Variants in FRY observed in about 807,000 individuals in gnomAD.
FRY encodes FRY microtubule binding protein, also known as protein furry homolog.
In FRY, 128 loss-of-function variants were observed where a neutral mutation model predicts 348.4. The observed-to-expected ratio is 0.37, with a 90% CI of 0.32 to 0.43. FRY has a LOEUF of 0.43. FRY is among the 20% of genes least tolerant of loss of function. FRY has a pLI of 1.00. For missense variants in FRY, 2,736 were observed against 3,695.2 expected (o/e 0.74, Z 6.73); for synonymous variants, 1,370 against 1,374.7 (o/e 1.00, Z 0.08).
intron 1 of FRY, among the ~76,000 whole-genome samples, chr13:32,064,406 T>TC (rs1156713317): frequency 1.3e-5 from 2 of 150,234 alleles, no homozygotes; most frequent in South Asian, 2.1e-4. Context: ...CACAGATATG[T>TC]CCCCCCTGCA....
At chr13:32,111,456 G>A (rs1877955819) in intron 3 of FRY, among the ~76,000 whole-genome samples, 1 of 152,054 alleles carries the variant, frequency 6.6e-6, no homozygotes, top group Admixed American at 6.5e-5. Context: ...AGATTGTGCT[G>A]CTGCACTCCA....
rs544780454 is a variant in FRY, at chr13:32,173,332, G to A, written c.2152-35G>A. The A allele has an allele frequency of 6.4e-5, 98 of 1,538,058 alleles. 1 individual carries two copies. In the Admixed American group the frequency reaches 1.4e-3, roughly 21 times the overall value. On this transcript the variant is annotated intron_variant, in intron 18 of 60. Coordinates refer to ENST00000542859, the MANE Select transcript of FRY (RefSeq NM_023037.3). ...TGTATTCTTCTTCCTTTGTTATTTC[G>A]CTGAATACAGAATGTTGTTCTTATT...
At chr13:32,185,233 T>C in intron 26 of FRY, 85 bp downstream of exon 26, 1 of 1,185,084 alleles carries the variant, frequency 8.4e-7, no homozygotes, top group Non-Finnish European at 1.3e-6. Context: ...TCTTTAACCC[T>C]ACTGGCCTTT....
chr13:32,168,496 C>T (rs1881878308), intron 17 of FRY, among the ~76,000 whole-genome samples: 1 of 152,196 alleles, frequency 6.6e-6, no homozygotes, highest in South Asian at 2.1e-4. Flanking sequence ...CACCACAGAG[C>T]TCTATATAAA....
chr13:32,268,418 G>A (rs1000496241), intron 55 of FRY, among the ~76,000 whole-genome samples: 1 of 149,762 alleles, frequency 6.7e-6, no homozygotes, highest in African/African-American at 2.5e-5. Flanking sequence ...ACGAAGATGA[G>A]GTTGTAGGGG....
intron 1 of FRY, among the ~76,000 whole-genome samples, chr13:32,077,664 A>G (rs1293197358): frequency 5.3e-5 from 8 of 152,246 alleles, no homozygotes; most frequent in Non-Finnish European, 1.2e-4. Context: ...ACTTGGCTTG[A>G]GACAGAAAGA....
At chr13:32,199,369 T>C (rs1883870091) in intron 29 of FRY, among the ~76,000 whole-genome samples, 1 of 152,194 alleles carries the variant, frequency 6.6e-6, no homozygotes, top group Non-Finnish European at 1.5e-5. Context: ...ATGTGGCAGC[T>C]ATTAGGAAGA....
At chr13:32,205,986 G>A (rs1461711627) in intron 31 of FRY, among the ~76,000 whole-genome samples, 1 of 151,988 alleles carries the variant, frequency 6.6e-6, no homozygotes, top group East Asian at 1.9e-4. Context: ...GGAGGTCAGT[G>A]ATGATAACCC....
At chr13:32,094,040 G>A (rs1876514431) in intron 2 of FRY, among the ~76,000 whole-genome samples, 1 of 152,110 alleles carries the variant, frequency 6.6e-6, no homozygotes, top group African/African-American at 2.4e-5. Context: ...GTTTCCACTT[G>A]TTGGTTAAAT....
chr13:32,064,732 C>T (rs930647330), intron 1 of FRY, among the ~76,000 whole-genome samples: 13 of 152,218 alleles, frequency 8.5e-5, no homozygotes, highest in African/African-American at 3.1e-4. Flanking sequence ...ATAGATTAAA[C>T]TTTAAAAATC....
Position 32,274,971 on chromosome 13 carries a change from C to G in FRY, c.8266C>G (p.Leu2756Val). The change falls in exon 56 of 61, where the codon CTT becomes GTT. Residue 2756 changes from leucine (L) to valine (V), a missense_variant. By Grantham distance (32) the Leu-to-Val change is conservative (BLOSUM62 1). This residue lies in a region of FRY where 789 missense variants were observed against 996.2 expected (regional missense o/e 0.79). Coordinates refer to ENST00000542859, the MANE Select transcript of FRY (RefSeq NM_023037.3). Reference protein sequence around the residue: ...MLTSCSECPTLFVDAETLLSC... With the variant: ...MLTSCSECPTVFVDAETLLSC... ...CACCTCCTGCTCTGAATGTCCTACA[C>G]TTTTTGTGGATGCCGAGACTGTGAG... is the stretch of plus-strand genomic sequence containing the variant. 1 of 1,613,876 alleles carries G rather than the reference C, an allele frequency of 6.2e-7. No homozygotes were observed. The highest frequency in any genetic ancestry group is 8.5e-7 in the Non-Finnish European group (1 of 1,179,860).
chr13:32,249,472 C>T (rs1395712615), intron 48 of FRY, 54 bp from the exon 49 acceptor site: 3 of 1,587,516 alleles, frequency 1.9e-6, no homozygotes, highest in Middle Eastern at 1.7e-4. Context: ...AGAAGGGTTT[C>T]ATATATCACA....
At chr13:32,075,946 A>G (rs1875021819) in intron 1 of FRY, among the ~76,000 whole-genome samples, 1 of 152,232 alleles carries the variant, frequency 6.6e-6, no homozygotes, top group African/African-American at 2.4e-5. Flanking sequence ...AAGGCTGTTC[A>G]TATAGTTTTA....
chr13:32,124,130 G>C (rs1282428612), intron 4 of FRY, among the ~76,000 whole-genome samples, 156 bp from the exon 5 acceptor site: 1 of 152,102 alleles, frequency 6.6e-6, no homozygotes, highest in African/African-American at 2.4e-5. Flanking sequence ...GAGCCACTCC[G>C]CCCGGCCAAC....
intron 46 of FRY, among the ~76,000 whole-genome samples, chr13:32,242,906 T>G (rs1886594715): frequency 6.6e-6 from 1 of 152,234 alleles, no homozygotes; most frequent in South Asian, 2.1e-4. Context: ...CTCTATCAAC[T>G]TTTTATCTTA....
At chr13:32,234,867 C>A in intron 42 of FRY, 106 bp downstream of exon 42, 3 of 893,256 alleles carry the variant, frequency 3.4e-6, no homozygotes, top group Non-Finnish European at 5.5e-6. Flanking sequence ...TTCCAGCCAT[C>A]TGGACATGTA....
intron 1 of FRY, among the ~76,000 whole-genome samples, chr13:32,052,337 T>C (rs1873374532): frequency 6.6e-6 from 1 of 152,258 alleles, no homozygotes; most frequent in Non-Finnish European, 1.5e-5. Context: ...TAGCTTTTTC[T>C]GAATAGTTTT....
intron 39 of FRY, among the ~76,000 whole-genome samples, chr13:32,227,900 G>C (rs798965): frequency 0.53 from 80,629 of 151,818 alleles, 21,647 homozygotes; most frequent in South Asian, 0.58. Context: ...TACAGGTGCC[G>C]ACCACCACGC....
At chr13:32,060,763 TA>T in intron 1 of FRY, 1 of 198,118 alleles carries the variant, frequency 5.0e-6, no homozygotes, top group Non-Finnish European at 1.0e-5. Context: ...GCAGCTTTAC[TA>T]ATCTGTCAGT....
Sources: allele counts gnomAD v4.1 joint callset (sites outside exome capture counted in the v4.1 genomes callset), GRCh38; gene constraint gnomAD v4.1.1; regional missense constraint gnomAD v4.1.1; transcripts MANE v1.5; gene names NCBI Gene and HGNC (gene_info 2026-07-23, HGNC 2026-07-21).